Variants in EFNA5 observed in about 807,000 individuals in gnomAD.
EFNA5 encodes ephrin-A5.
EFNA5 carries 5 observed loss-of-function variants against 22.9 expected under a neutral mutation model. The ratio of observed to expected loss-of-function variants is 0.22; its 90% CI spans 0.11 to 0.46. The LOEUF is 0.46. Ranked by LOEUF, EFNA5 falls within the 20% of genes least tolerant of loss-of-function variation. The pLI is 0.99. For missense variants in EFNA5, 237 were observed against 293.3 expected (o/e 0.81, Z 1.40); for synonymous variants, 113 against 112.2 (o/e 1.01, Z -0.04).
In EFNA5 at chr5:107,399,189, C is replaced by T. The variant is rs1276162893; in HGVS notation, c.419-11418G>A. ...AAAGGAGGCCAGGCGTGGTGGCTCA[C>T]GCCTGTAATCCCAGCAGTTTAGGAG... On this transcript the variant is annotated intron_variant, in intron 2 of 4. Transcript: ENST00000333274. Among the ~76,000 whole-genome samples the T allele has an allele frequency of 4.6e-5, 7 of 152,010 alleles. No individual in the cohort carries two copies. In the East Asian group the frequency reaches 5.8e-4, roughly 13 times the overall value.
chr5:107,472,364 T>A (rs975553777), intron 1 of EFNA5, among the ~76,000 whole-genome samples: 11 of 152,210 alleles, frequency 7.2e-5, no homozygotes, highest in African/African-American at 2.7e-4. Flanking sequence ...TCTCAGCTAC[T>A]GCAAATAATA....
intron 2 of EFNA5, among the ~76,000 whole-genome samples, chr5:107,412,924 T>C (rs997234901): frequency 6.6e-6 from 1 of 152,210 alleles, no homozygotes; most frequent in African/African-American, 2.4e-5. Context: ...TAGTTGATGA[T>C]AGAAACTATT....
rs555425939 is a variant in EFNA5, at chr5:107,545,543, A to G, written c.126-118034T>C. On this transcript the variant is annotated intron_variant, in intron 1 of 4. Transcript: ENST00000333274. ...ACTTGCATCCATTCATTAATTAAGGATGAGGATGTATTTATTTTTCCAGAT... is the reference window on the plus strand; with the variant it reads ...ACTTGCATCCATTCATTAATTAAGGGTGAGGATGTATTTATTTTTCCAGAT... Among the ~76,000 whole-genome samples, 26 of 152,252 alleles carry G rather than the reference A, an allele frequency of 1.7e-4. 1 individual carries two copies. The South Asian group carries it at 4.2e-3, about 24-fold the overall frequency.
chr5:107,648,793 G>GA (rs528258470), intron 1 of EFNA5, among the ~76,000 whole-genome samples: 8 of 149,848 alleles, frequency 5.3e-5, no homozygotes, highest in Non-Finnish European at 7.4e-5. Flanking sequence ...AAACAAAACA[G>GA]AAAAAAAAAT....
chr5:107,537,908 T>G (rs570787151), intron 1 of EFNA5, among the ~76,000 whole-genome samples: 5 of 152,270 alleles, frequency 3.3e-5, no homozygotes, highest in African/African-American at 1.2e-4. Context: ...CACAAATGAT[T>G]AGCACATAAT....
chr5:107,562,528 T>G (rs1477613579), intron 1 of EFNA5, among the ~76,000 whole-genome samples: 8 of 152,130 alleles, frequency 5.3e-5, no homozygotes, highest in African/African-American at 1.9e-4. Flanking sequence ...GAATCAAAGT[T>G]TGAATATAGT....
chr5:107,428,671 G>A (rs1748867399), intron 1 of EFNA5, among the ~76,000 whole-genome samples: 1 of 152,186 alleles, frequency 6.6e-6, no homozygotes, highest in Non-Finnish European at 1.5e-5. Flanking sequence ...TCATAAAATT[G>A]TGTTACTGCT....
At chr5:107,550,486 C>A (rs191302046) in intron 1 of EFNA5, among the ~76,000 whole-genome samples, 20 of 152,224 alleles carry the variant, frequency 1.3e-4, no homozygotes, top group Non-Finnish European at 2.5e-4. Flanking sequence ...ATTGTCTAAT[C>A]TTTCTGAGAT....
rs537861673 is a variant in EFNA5 at position 107,575,645 on chromosome 5, C to G, written c.125+94844G>C. Among the ~76,000 whole-genome samples, 136 of 152,070 alleles carry G rather than the reference C, an allele frequency of 8.9e-4. 1 individual carries two copies. Among genetic ancestry groups the G allele is most frequent in the Non-Finnish European group, 1.7e-3 (118 of 68,018 alleles). On this transcript the variant is annotated intron_variant, in intron 1 of 4. Coordinates refer to ENST00000333274, the MANE Select transcript of EFNA5 (RefSeq NM_001962.3). Reference sequence around the variant, plus strand: ...AAACTATAAAATAATCTATTGTAGACCTACTGAGCTCAATGAAAACAAGTA... The same window carrying G: ...AAACTATAAAATAATCTATTGTAGAGCTACTGAGCTCAATGAAAACAAGTA...
At chr5:107,386,853 A>G (rs1386640760) in intron 4 of EFNA5, among the ~76,000 whole-genome samples, 1 of 152,204 alleles carries the variant, frequency 6.6e-6, no homozygotes, top group Admixed American at 6.5e-5. Flanking sequence ...TAAAAAATAA[A>G]ATTTTATGAA....
intron 1 of EFNA5, among the ~76,000 whole-genome samples, chr5:107,435,315 CTTTTTTTTTTTTTTT>C (rs3999107): frequency 9.6e-6 from 1 of 104,666 alleles, no homozygotes; most frequent in Non-Finnish European, 1.9e-5. Flanking sequence ...TGAAGATGCT[CTTTTTTTTTTTTTTT>C]TTTTTTTGCT....
intron 1 of EFNA5, among the ~76,000 whole-genome samples, chr5:107,539,940 A>C (rs1748012068): frequency 6.6e-6 from 1 of 152,232 alleles, no homozygotes. Flanking sequence ...GTCACACCTT[A>C]GCTGGTGGCT....
rs542218744 is a variant in EFNA5 at position 107,435,977 on chromosome 5, C to A, written c.126-8468G>T. On this transcript the variant is annotated intron_variant, in intron 1 of 4. Coordinates refer to ENST00000333274, the MANE Select transcript of EFNA5 (RefSeq NM_001962.3). ...AATTCATCAGCAGTTTATTATACTA[C>A]CCTGTCACTTTTTTTCTTGTATGTA... 4.6e-5 allele frequency among the ~76,000 whole-genome samples: 7 copies of A among 152,310 alleles called. No individual in the cohort carries two copies. The South Asian group carries it at 1.2e-3, about 27-fold the overall frequency.
rs1424424547 is a variant in EFNA5 at position 107,555,319 on chromosome 5, T to C, written c.125+115170A>G. Among the ~76,000 whole-genome samples the C allele has an allele frequency of 6.6e-5, 10 of 152,320 alleles. No individual in the cohort carries two copies. In the East Asian group the frequency reaches 1.9e-3, roughly 29 times the overall value. ...CATTAATCTATTTGGTCAGCCAACA[T>C]GCAGCTTTGTAATCCTGTTCGTGCA... is the stretch of plus-strand genomic sequence containing the variant. On this transcript the variant is annotated intron_variant, in intron 1 of 4. Transcript: ENST00000333274.
chr5:107,445,940 G>C (rs1749380805), intron 1 of EFNA5, among the ~76,000 whole-genome samples: 1 of 152,066 alleles, frequency 6.6e-6, no homozygotes, highest in Admixed American at 6.5e-5. Flanking sequence ...ACATCCATCT[G>C]ATAACTGAGA....
At chr5:107,549,281 G>A (rs1483527075) in intron 1 of EFNA5, among the ~76,000 whole-genome samples, 1 of 152,044 alleles carries the variant, frequency 6.6e-6, no homozygotes, top group Admixed American at 6.5e-5. Context: ...AAATATATAG[G>A]CACCTCACCA....
In EFNA5 at chr5:107,380,746, C is replaced by T. The variant is rs1436715771; in HGVS notation, c.*509G>A. 1.3e-5 allele frequency: 5 copies of T among 399,374 alleles called. No individual in the cohort carries two copies. The Admixed American group carries it at 1.7e-4, about 14-fold the overall frequency. The allele number at this position is 399,374 out of a possible 1,614,324, so 24.7% of individuals were successfully genotyped here. ...TATCGTATCTATTCTTAATACCTCCCCTCCGGACCTGACATGGTGACATGA... is the reference window on the plus strand; with the variant it reads ...TATCGTATCTATTCTTAATACCTCCTCTCCGGACCTGACATGGTGACATGA... On this transcript the variant is annotated 3_prime_UTR_variant, in exon 5 of 5. Coordinates refer to ENST00000333274, the MANE Select transcript of EFNA5 (RefSeq NM_001962.3).
At chr5:107,522,117 G>A (rs1245131443) in intron 1 of EFNA5, among the ~76,000 whole-genome samples, 1 of 152,150 alleles carries the variant, frequency 6.6e-6, no homozygotes, top group Admixed American at 6.5e-5. Context: ...CTGTATTTCT[G>A]TTATCTGAAC....
At chr5:107,399,893 A>G (rs1042102317) in intron 2 of EFNA5, among the ~76,000 whole-genome samples, 77 of 152,314 alleles carry the variant, frequency 5.1e-4, no homozygotes, top group African/African-American at 1.7e-3. Flanking sequence ...CAACTTGAGT[A>G]ACCGGTCAGA....
Sources: gnomAD v4.1 joint callset for allele counts (sites outside exome capture counted in the v4.1 genomes callset) on GRCh38, gnomAD v4.1.1 for gene constraint, MANE v1.5 for transcripts, NCBI Gene and HGNC (gene_info 2026-07-23, HGNC 2026-07-21) for gene names.